OTOGL: variants seen among roughly 807,000 people sequenced by gnomAD.
OTOGL encodes otogelin like, also known as otogelin-like protein.
Under a neutral mutation model 318.5 loss-of-function variants are expected in OTOGL, and 285 were observed. The ratio of observed to expected loss-of-function variants is 0.89; its 90% CI spans 0.81 to 0.99. The LOEUF (loss-of-function observed/expected upper bound fraction) is 0.99, where lower values mean the gene tolerates loss of function less well. OTOGL is among the 50% of genes least tolerant of loss of function. The probability of loss-of-function intolerance (pLI) is 0.00; values close to 1 mark genes in which losing one functional copy is unlikely to be tolerated. For missense variants in OTOGL, 2,899 were observed against 2,845.6 expected (o/e 1.02, Z -0.43); for synonymous variants, 987 against 936.5 (o/e 1.05, Z -0.99).
chr12:80,287,597 T>C (rs758162264), intron 26 of OTOGL, among the ~76,000 whole-genome samples: 3 of 152,250 alleles, frequency 2.0e-5, no homozygotes, highest in Non-Finnish European at 4.4e-5. Flanking sequence ...TGGGTGCGTA[T>C]GTATTTAGGA....
intron 1 of OTOGL, among the ~76,000 whole-genome samples, chr12:80,157,112 G>GT (rs1359728209): frequency 6.6e-6 from 1 of 152,106 alleles, no homozygotes; most frequent in Non-Finnish European, 1.5e-5. Context: ...GTTATTGCTT[G>GT]TTTTTTGGAT....
intron 52 of OTOGL, 21 bp downstream of exon 52, chr12:80,358,921 T>G (rs1298169774): frequency 1.4e-6 from 2 of 1,442,624 alleles, no homozygotes; most frequent in African/African-American, 2.8e-5. Flanking sequence ...ATATTTTGAT[T>G]GACTTGTCAT....
In OTOGL at chr12:80,358,272, T is replaced by C. The variant is rs539458827; in HGVS notation, c.6044T>C (p.Val2015Ala). ...GTTTGTGAATCTTGCACCAAACCTG[T>C]TCCACTATGTCATGATGGGGAATTT... ...FCVCESCTKP[V>A]PLCHDGEFLT... Residue 2015 changes from valine to alanine, a missense_variant, in exon 50 of 59, where the codon GTT (valine) becomes GCT (alanine). By Grantham distance (64) the Val-to-Ala change is moderately conservative (BLOSUM62 0). Coordinates refer to ENST00000547103, the MANE Select transcript of OTOGL (RefSeq NM_001378609.3). 2.5e-6 allele frequency: 4 copies of C among 1,611,924 alleles called. No homozygotes were observed. In the East Asian group the frequency reaches 8.9e-5, roughly 36 times the overall value.
Position 80,351,206 on chromosome 12 carries a change from TTGGC to T in OTOGL, c.5266-1082_5266-1079del, listed in dbSNP as rs1489622020. On this transcript the variant is annotated intron_variant, in intron 44 of 58. Coordinates refer to ENST00000547103, the MANE Select transcript of OTOGL (RefSeq NM_001378609.3). ...TCTTGGCACCTTTGTCAAAAATCAGTTGGCTGGCTGTAAATGTGTGGATTTATTT... is the reference window on the plus strand; with the variant it reads ...TCTTGGCACCTTTGTCAAAAATCAGTTGGCTGTAAATGTGTGGATTTATTT... Among the ~76,000 whole-genome samples the T allele has an allele frequency of 1.3e-5, 2 of 152,218 alleles. 1 individual carries two copies. The highest frequency in any genetic ancestry group is 2.9e-5 in the Non-Finnish European group (2 of 68,040).
chr12:80,189,653 C>T (rs1486008501), intron 1 of OTOGL, among the ~76,000 whole-genome samples: 1 of 152,144 alleles, frequency 6.6e-6, no homozygotes, highest in African/African-American at 2.4e-5. Context: ...GAGCCCCATA[C>T]CTAGAAAGTA....
In OTOGL at chr12:80,296,816, T is replaced by C. The variant is rs1487627871; in HGVS notation, c.2929-11T>C. ...TATATTTGTATTAATAAAATATTTG[T>C]GACATTTCAGAGTGCAGATGATTCA... On this transcript the variant is annotated splice_polypyrimidine_tract_variant and intron_variant, in intron 26 of 58. Transcript: ENST00000547103. The C allele has an allele frequency of 1.4e-6, 2 of 1,434,326 alleles. No homozygotes were observed. Among genetic ancestry groups the C allele is most frequent in the East Asian group, 5.0e-5 (2 of 39,640 alleles). 88.8% of individuals were successfully genotyped at this position (1,434,326 alleles called of 1,614,324 possible).
intron 1 of OTOGL, among the ~76,000 whole-genome samples, chr12:80,130,599 G>A (rs1871177617): frequency 6.6e-6 from 1 of 152,192 alleles, no homozygotes; most frequent in African/African-American, 2.4e-5. Context: ...TAGAGAGGGT[G>A]TGGGGATGAG....
intron 11 of OTOGL, among the ~76,000 whole-genome samples, chr12:80,244,348 G>T (rs1880675727): frequency 8.4e-6 from 1 of 119,332 alleles, no homozygotes. Context: ...AGTCCCCAGA[G>T]TGTGATATTC....
At chr12:80,127,336 A>G (rs1340419850) in intron 1 of OTOGL, among the ~76,000 whole-genome samples, 1 of 152,040 alleles carries the variant, frequency 6.6e-6, no homozygotes, top group Non-Finnish European at 1.5e-5. Flanking sequence ...TCTGGGTTGC[A>G]AATTCTTTTC....
intron 52 of OTOGL, among the ~76,000 whole-genome samples, chr12:80,364,981 A>G (rs1009942887): frequency 6.6e-6 from 1 of 152,054 alleles, no homozygotes; most frequent in African/African-American, 2.4e-5. Flanking sequence ...CATTATATTA[A>G]CTCACTAAAA....
chr12:80,317,216 G>C (rs967139560), intron 32 of OTOGL, among the ~76,000 whole-genome samples: 1 of 152,108 alleles, frequency 6.6e-6, no homozygotes, highest in African/African-American at 2.4e-5. Flanking sequence ...GATAGGATAT[G>C]CTTATTTCTG....
chr12:80,128,674 G>T (rs1179521146), intron 1 of OTOGL, among the ~76,000 whole-genome samples: 1 of 152,226 alleles, frequency 6.6e-6, no homozygotes, highest in Non-Finnish European at 1.5e-5. Context: ...TCCATGAGCT[G>T]TGGTAGGCTC....
At position 80,341,973 on chromosome 12, in the gene OTOGL, T is replaced by G; in HGVS notation, c.5076T>G (p.Asp1692Glu). The G allele has an allele frequency of 6.2e-7, 1 of 1,607,058 alleles. No individual in the cohort carries two copies. Among genetic ancestry groups the G allele is most frequent in the South Asian group, 1.1e-5 (1 of 89,628 alleles). Residue 1692 changes from aspartate to glutamate, a missense_variant, in exon 44 of 59, where the codon GAT becomes GAG. Physicochemically the swap from Asp to Glu is conservative, Grantham distance 45 (BLOSUM62 2). Around this residue, in one of 3 missense-constraint regions of OTOGL, gnomAD observed 2,607 missense variants for 2,524.9 expected, o/e 1.03. Coordinates refer to ENST00000547103, the MANE Select transcript of OTOGL (RefSeq NM_001378609.3). ...GAATTTGCAATGAAGATCCGGATGA[T>G]GATCTAAGGATGCAAAATGGCACAA... ...LCGICNEDPD[D>E]DLRMQNGTII... is the part of the protein sequence containing the mutation.
At position 80,250,037 on chromosome 12, in the gene OTOGL, C is replaced by T. The variant is rs1402722561; in HGVS notation, c.1053-1656C>T. Among the ~76,000 whole-genome samples the T allele has an allele frequency of 4.0e-5, 6 of 151,886 alleles. No homozygotes were observed. The East Asian group carries it at 5.8e-4, about 15-fold the overall frequency. On this transcript the variant is annotated intron_variant, in intron 11 of 58. Transcript: ENST00000547103. ...CCTGCTTCGGCTCGCGCACGGTGCG[C>T]GCACCCACTGACCTGCGCCCACTGT...
At chr12:80,343,039 G>T (rs1205280014) in intron 44 of OTOGL, among the ~76,000 whole-genome samples, 1 of 151,994 alleles carries the variant, frequency 6.6e-6, no homozygotes, top group Non-Finnish European at 1.5e-5. Flanking sequence ...CGGCGACCAC[G>T]CCCAGCTGAT....
intron 1 of OTOGL, among the ~76,000 whole-genome samples, chr12:80,174,818 T>C (rs1874425175): frequency 6.6e-6 from 1 of 152,162 alleles, no homozygotes; most frequent in African/African-American, 2.4e-5. Context: ...GAATATTCCT[T>C]GAAGGTGTGG....
intron 57 of OTOGL, among the ~76,000 whole-genome samples, chr12:80,373,526 T>A (rs967168777): frequency 1.3e-5 from 2 of 152,094 alleles, no homozygotes; most frequent in African/African-American, 4.8e-5. Flanking sequence ...TTGAGGAAGA[T>A]TTCTGAATTT....
intron 40 of OTOGL, 110 bp downstream of exon 40, chr12:80,336,665 C>T (rs1241266303): frequency 4.9e-6 from 7 of 1,421,130 alleles, no homozygotes; most frequent in Non-Finnish European, 6.7e-6. Context: ...TCACTGAGAT[C>T]GGTCTTCTGA....
intron 6 of OTOGL, 65 bp downstream of exon 6, chr12:80,219,977 G>T (rs1402907308): frequency 5.9e-6 from 7 of 1,192,766 alleles, no homozygotes; most frequent in Admixed American, 2.1e-5. Flanking sequence ...GGCATAATTT[G>T]CTATAATAAT....
Sources: gnomAD v4.1 joint callset for allele counts (sites outside exome capture counted in the v4.1 genomes callset) on GRCh38, gnomAD v4.1.1 for gene constraint, gnomAD v4.1.1 regional missense constraint, MANE v1.5 for transcripts, NCBI Gene and HGNC (gene_info 2026-07-23, HGNC 2026-07-21) for gene names.